The following ZNF81 variants were observed in gnomAD, a reference collection of about 807,000 sequenced individuals.
ZNF81 encodes zinc finger protein 81 (HFZ20).
A neutral mutation model predicts 32.3 loss-of-function variants in ZNF81; 5 were observed. That is an observed-to-expected ratio of 0.15 (90% confidence interval 0.08 to 0.33). The LOEUF (loss-of-function observed/expected upper bound fraction) is 0.33. ZNF81 is among the 10% of genes least tolerant of loss of function. The probability of loss-of-function intolerance (pLI) is 1.00; values close to 1 mark genes in which losing one functional copy is unlikely to be tolerated. For missense variants in ZNF81, 379 were observed against 479.8 expected, an observed-to-expected ratio of 0.79 and a Z score of 1.96; for synonymous variants, 163 against 166.8, an observed-to-expected ratio of 0.98 and a Z score of 0.17.
intron 4 of ZNF81, among the ~76,000 whole-genome samples, chrX:47,909,139 T>C (rs2058730399): frequency 8.9e-6 from 1 of 112,184 alleles, no homozygotes; most frequent in Non-Finnish European, 1.9e-5. Context: ...GCCTGTGAGA[T>C]TATTCCTCAG....
rs1603212603 is a variant in ZNF81, at chrX:47,919,155, G to A, written c.*2523G>A. On this transcript the variant is annotated 3_prime_UTR_variant, in exon 5 of 5. Transcript: ENST00000338637. ...ATAGGGGTGAACACATTTTGCATGG[G>A]GTGGTAATGTGAATACTTTGTGACC... 3.0e-6 allele frequency: 1 copy of A among 330,138 alleles called. No homozygotes were observed. Among genetic ancestry groups the A allele is most frequent in the East Asian group, 9.7e-5 (1 of 10,282 alleles). 27.2% of individuals were successfully genotyped at this position (330,138 alleles called of 1,213,427 possible).
intron 2 of ZNF81, among the ~76,000 whole-genome samples, chrX:47,877,741 T>C (rs1362443451): frequency 8.9e-6 from 1 of 112,264 alleles, no homozygotes; most frequent in Admixed American, 9.4e-5. Flanking sequence ...CTCATTTTCC[T>C]GATAGCATAC....
At chrX:47,888,890 A>G (rs1556886169) in intron 3 of ZNF81, among the ~76,000 whole-genome samples, 1 of 111,674 alleles carries the variant, frequency 9.0e-6, no homozygotes, top group Non-Finnish European at 1.9e-5. Flanking sequence ...ACTGGAAGAA[A>G]AGCGATCCTT....
Position 47,915,259 on chromosome X carries a change from T to G in ZNF81, c.613T>G (p.Leu205Val). Residue 205 changes from leucine (L) to valine (V), a missense_variant, in exon 5 of 5, where the codon TTA becomes GTA. Coordinates refer to ENST00000338637, the MANE Select transcript of ZNF81 (RefSeq NM_007137.5). ...GAAGAGTTTTAAGCATAATTTAGAC[T>G]TACATATTCATAATAAAAGCAATGC... is the stretch of plus-strand genomic sequence containing the variant. ...FGKSFKHNLD[L>V]HIHNKSNAAK... 2 of 1,211,249 alleles carry G rather than the reference T, an allele frequency of 1.7e-6. No individual in the cohort carries two copies. The highest frequency in any genetic ancestry group is 2.2e-6 in the Non-Finnish European group (2 of 895,220).
intron 2 of ZNF81, among the ~76,000 whole-genome samples, chrX:47,851,263 C>T (rs1305214358): frequency 8.9e-6 from 1 of 111,812 alleles, no homozygotes; most frequent in Non-Finnish European, 1.9e-5. Flanking sequence ...ATTCCCAGGA[C>T]AGATGATATA....
chrX:47,876,840 T>C (rs1428985407), intron 2 of ZNF81, among the ~76,000 whole-genome samples: 2 of 112,267 alleles, frequency 1.8e-5, no homozygotes, highest in Non-Finnish European at 3.8e-5. Flanking sequence ...ACATATCTCA[T>C]GATACCTGCT....
rs781913373 is a variant in ZNF81, at chrX:47,899,259, A to G, written c.277+3319A>G. Among the ~76,000 whole-genome samples, 7 of 99,593 alleles carry G rather than the reference A, an allele frequency of 7.0e-5. No homozygotes were observed. In the South Asian group the frequency reaches 1.6e-3, roughly 22 times the overall value. The allele number at this position is 99,593 out of a possible 115,157, so 86.5% of individuals were successfully genotyped here. ...GTACCTGCCCTTTAACAGGCTGTGT[A>G]AGTTCCTTTCTAATCCTAGCTTGTT... is the stretch of plus-strand genomic sequence containing the variant. On this transcript the variant is annotated intron_variant, in intron 4 of 4. Coordinates refer to ENST00000338637, the MANE Select transcript of ZNF81 (RefSeq NM_007137.5).
At chrX:47,889,939 C>T (rs1386613329) in intron 3 of ZNF81, among the ~76,000 whole-genome samples, 1 of 111,366 alleles carries the variant, frequency 9.0e-6, no homozygotes, top group Non-Finnish European at 1.9e-5. Flanking sequence ...AGTCACCTCC[C>T]ACCAGGCCCC....
chrX:47,887,724 G>A (rs1438835487), intron 2 of ZNF81, among the ~76,000 whole-genome samples: 3 of 111,016 alleles, frequency 2.7e-5, no homozygotes, highest in Non-Finnish European at 5.7e-5. Context: ...ATAAAAATGA[G>A]CAACAAAATA....
intron 2 of ZNF81, among the ~76,000 whole-genome samples, chrX:47,874,184 C>A (rs368233313): frequency 8.9e-6 from 1 of 112,282 alleles, no homozygotes; most frequent in East Asian, 2.8e-4. Context: ...ACACACTCAT[C>A]TTCTAGGTTC....
chrX:47,893,451 A>G (rs2058669163), intron 3 of ZNF81, among the ~76,000 whole-genome samples: 2 of 111,241 alleles, frequency 1.8e-5, no homozygotes, highest in Non-Finnish European at 3.8e-5. Context: ...TTGGTGGAGC[A>G]TATAGCCAGC....
chrX:47,911,459 C>T, intron 4 of ZNF81, among the ~76,000 whole-genome samples: 1 of 95,308 alleles, frequency 1.0e-5, no homozygotes. Flanking sequence ...ATGCTTTTGC[C>T]CCCAGTAATT....
Position 47,839,593 on chromosome X carries a change from C to G in ZNF81, c.-164+2606C>G, listed in dbSNP as rs1556879475. Among the ~76,000 whole-genome samples the G allele has an allele frequency of 3.6e-5, 4 of 111,888 alleles. 1 individual carries two copies. The highest frequency in any genetic ancestry group is 9.8e-5 in the African/African-American group (3 of 30,738). On this transcript the variant is annotated intron_variant, in intron 1 of 4. Coordinates refer to ENST00000338637, the MANE Select transcript of ZNF81 (RefSeq NM_007137.5). ...ATGAATTCTGTGTGTATACTTGGGT[C>G]TCATTCTGCAAGATACTTTATTATG...
chrX:47,858,734 G>A (rs938462193), intron 2 of ZNF81, among the ~76,000 whole-genome samples: 3 of 111,632 alleles, frequency 2.7e-5, no homozygotes, highest in African/African-American at 9.8e-5. Flanking sequence ...TAATTTTAAT[G>A]TTTCTTTTTA....
At chrX:47,903,406 T>C (rs1339189412) in intron 4 of ZNF81, among the ~76,000 whole-genome samples, 1 of 100,169 alleles carries the variant, frequency 1.0e-5, no homozygotes, top group Non-Finnish European at 2.0e-5. Flanking sequence ...AGCATTCTTA[T>C]ACACCAATAA....
rs1181638182 is a variant in ZNF81, at chrX:47,924,768, C to T, written c.*8136C>T. On this transcript the variant is annotated 3_prime_UTR_variant, in exon 5 of 5. Coordinates refer to ENST00000338637, the MANE Select transcript of ZNF81 (RefSeq NM_007137.5). Reference sequence around the variant, plus strand: ...GAATGTCTCCCTCCCTGGAGACTTTCCCAGAGAAGATTTGGTTGCATTCCA... The same window carrying T: ...GAATGTCTCCCTCCCTGGAGACTTTTCCAGAGAAGATTTGGTTGCATTCCA... Among the ~76,000 whole-genome samples the T allele has an allele frequency of 9.0e-6, 1 of 111,199 alleles. No homozygotes were observed. The highest frequency in any genetic ancestry group is 1.9e-5 in the Non-Finnish European group (1 of 52,959).
At chrX:47,841,231 G>T in intron 1 of ZNF81, 1 of 729,194 alleles carries the variant, frequency 1.4e-6, no homozygotes, top group Non-Finnish European at 2.1e-6. Context: ...CTTGACCTTG[G>T]CTTGTCTATG....
intron 2 of ZNF81, among the ~76,000 whole-genome samples, chrX:47,861,661 C>T (rs1556882583): frequency 1.8e-5 from 2 of 111,978 alleles, no homozygotes; most frequent in African/African-American, 3.2e-5. Context: ...TTTCCTCAAC[C>T]GTAACCCTTA....
At chrX:47,846,367 CCCTGAAGG>C in intron 2 of ZNF81, 46 bp downstream of exon 2, 1 of 1,178,546 alleles carries the variant, frequency 8.5e-7, no homozygotes, top group Non-Finnish European at 1.1e-6. Context: ...TCATCCACAG[CCCTGAAGG>C]AAAGATACTA....
Sources: gnomAD v4.1 joint callset for allele counts (sites outside exome capture counted in the v4.1 genomes callset) on GRCh38, gnomAD v4.1.1 for gene constraint, MANE v1.5 for transcripts, NCBI Gene and HGNC (gene_info 2026-07-23, HGNC 2026-07-21) for gene names.